The following NHSL2 variants were observed in gnomAD, a reference collection of about 807,000 sequenced individuals.
NHSL2 encodes NHS like 2.
A neutral mutation model predicts 53.4 loss-of-function variants in NHSL2; 27 were observed. The observed-to-expected ratio is 0.51, with a 90% CI of 0.37 to 0.70. NHSL2 has a LOEUF of 0.70. NHSL2 is among the 30% of genes least tolerant of loss of function. NHSL2 has a pLI of 0.00. For missense variants in NHSL2, 892 were observed against 980.1 expected (o/e 0.91, Z 1.20); for synonymous variants, 408 against 404.1 (o/e 1.01, Z -0.12).
In NHSL2 at chrX:72,078,238, A is replaced by G. The variant is rs746854956; in HGVS notation, c.281-53841A>G. ...CTAATCTGCCAATGTGAGGGGGGTA[A>G]GAGTCAGGCTGTCCTTGCTTTTAGC... is the stretch of plus-strand genomic sequence containing the variant. On this transcript the variant is annotated intron_variant, in intron 1 of 7. Transcript: ENST00000633930. Among the ~76,000 whole-genome samples, 3 of 112,210 alleles carry G rather than the reference A, an allele frequency of 2.7e-5. No individual in the cohort carries two copies. The Admixed American group carries it at 2.8e-4, about 11-fold the overall frequency.
At chrX:71,981,419 A>G (rs997695184) in intron 1 of NHSL2, among the ~76,000 whole-genome samples, 2 of 109,112 alleles carry the variant, frequency 1.8e-5, no homozygotes, top group Non-Finnish European at 1.9e-5. Context: ...GTTGGCACAC[A>G]CCTGTAGTCC....
intron 1 of NHSL2, among the ~76,000 whole-genome samples, chrX:72,095,166 A>G (rs776947210): frequency 1.8e-5 from 2 of 112,490 alleles, no homozygotes; most frequent in African/African-American, 6.5e-5. Flanking sequence ...ATCCATCAGC[A>G]AGCAGGACCT....
At chrX:72,079,757 A>C (rs956112932) in intron 1 of NHSL2, 17 of 112,966 alleles carry the variant, frequency 1.5e-4, no homozygotes, top group Admixed American at 2.8e-4. Context: ...GCTGACTCAG[A>C]CAGCCAGTTC....
chrX:72,036,838 C>A (rs2042243909), intron 1 of NHSL2, among the ~76,000 whole-genome samples: 2 of 111,470 alleles, frequency 1.8e-5, no homozygotes, highest in African/African-American at 6.5e-5. Context: ...CCAGTGTGTT[C>A]TTTTTGATAT....
At chrX:72,097,872 G>A (rs1479114393) in intron 1 of NHSL2, among the ~76,000 whole-genome samples, 1 of 111,638 alleles carries the variant, frequency 9.0e-6, no homozygotes, top group Non-Finnish European at 1.9e-5. Context: ...CCCAAACATG[G>A]ACCAAACCTT....
rs780217556 is a variant in NHSL2, at chrX:72,142,254, C to T, written c.3246C>T (p.Thr1082=). The T allele has an allele frequency of 1.5e-5, 17 of 1,159,830 alleles. 1 individual carries two copies. In the East Asian group the frequency reaches 3.3e-4, roughly 22 times the overall value. ...TAGGGAGTTCTGTGGAACCAGGCAC[C>T]GAAGAAAAAAGTTTAATCAGTGATA... ...SPLGSSVEPG[T]EEKSLISDKT... is the part of the protein sequence containing the mutation. Residue 1082 remains threonine (T), a synonymous_variant, in exon 7 of 8, where the codon ACC becomes ACT. Coordinates refer to ENST00000633930, the MANE Select transcript of NHSL2 (RefSeq NM_001013627.3).
chrX:72,016,016 G>A (rs1199383575), intron 1 of NHSL2, among the ~76,000 whole-genome samples: 1 of 110,238 alleles, frequency 9.1e-6, no homozygotes, highest in African/African-American at 3.3e-5. Context: ...ACTCCCTCCT[G>A]GCTTTTGGGT....
At chrX:72,056,092 C>T (rs1463609668) in intron 1 of NHSL2, among the ~76,000 whole-genome samples, 1 of 111,914 alleles carries the variant, frequency 8.9e-6, no homozygotes, top group Non-Finnish European at 1.9e-5. Flanking sequence ...TAGATTTGGC[C>T]ACCATTAACC....
At chrX:71,982,760 A>C (rs1176561876) in intron 1 of NHSL2, among the ~76,000 whole-genome samples, 1 of 112,036 alleles carries the variant, frequency 8.9e-6, no homozygotes, top group Non-Finnish European at 1.9e-5. Flanking sequence ...CTTCCCACAT[A>C]CCTTCCTTGC....
rs2041869746 is a variant in NHSL2 at position 71,962,001 on chromosome X, C to T, written c.280+50634C>T. Among the ~76,000 whole-genome samples, 5 of 112,229 alleles carry T rather than the reference C, an allele frequency of 4.5e-5. No individual in the cohort carries two copies. The Admixed American group carries it at 4.7e-4, about 11-fold the overall frequency. ...CTGTTTTGAAAATTCCCTTGTTTTC[C>T]TCATTTGCTGAGTGTTTTATTATGA... is the stretch of plus-strand genomic sequence containing the variant. On this transcript the variant is annotated intron_variant, in intron 1 of 7. Transcript: ENST00000633930.
intron 1 of NHSL2, among the ~76,000 whole-genome samples, chrX:72,030,060 G>A (rs1253368646): frequency 8.9e-6 from 1 of 112,415 alleles, no homozygotes. Flanking sequence ...GCCCAAGTAT[G>A]GGAAAATATC....
chrX:71,943,765 G>A (rs775847162), intron 1 of NHSL2, among the ~76,000 whole-genome samples: 3 of 112,293 alleles, frequency 2.7e-5, no homozygotes, highest in Admixed American at 9.4e-5. Flanking sequence ...GTATACTTTG[G>A]CCTGAAAGTA....
rs2042491541 is a variant in NHSL2 at position 72,149,248 on chromosome X, G to A, written c.*5674G>A. On this transcript the variant is annotated 3_prime_UTR_variant, in exon 8 of 8. Coordinates refer to ENST00000633930, the MANE Select transcript of NHSL2 (RefSeq NM_001013627.3). Reference sequence around the variant, plus strand: ...TTTTAACTCACAAATGGAAAAAAGGGAAAGGTGTTAAGTTTGTTTGGTATT... The same window carrying A: ...TTTTAACTCACAAATGGAAAAAAGGAAAAGGTGTTAAGTTTGTTTGGTATT... The A allele has an allele frequency of 9.0e-6, 1 of 110,843 alleles. No individual in the cohort carries two copies. The highest frequency in any genetic ancestry group is 3.3e-5 in the African/African-American group (1 of 30,459). 9.1% of individuals were successfully genotyped at this position (110,843 alleles called of 1,213,427 possible).
intron 1 of NHSL2, among the ~76,000 whole-genome samples, chrX:72,033,917 A>C (rs2042228437): frequency 8.9e-6 from 1 of 112,315 alleles, no homozygotes; most frequent in South Asian, 3.7e-4. Flanking sequence ...TAGAGCTTCC[A>C]GTATTATGTT....
chrX:72,118,661 A>G (rs1195415417), intron 1 of NHSL2, among the ~76,000 whole-genome samples: 2 of 111,904 alleles, frequency 1.8e-5, no homozygotes, highest in Non-Finnish European at 1.9e-5. Context: ...CCTGGCCTCG[A>G]GTGATCCTCC....
At chrX:71,940,036 G>C (rs1043838507) in intron 1 of NHSL2, among the ~76,000 whole-genome samples, 2 of 111,946 alleles carry the variant, frequency 1.8e-5, no homozygotes, top group African/African-American at 6.5e-5. Flanking sequence ...AGAATTTGTA[G>C]AGTGGGAAGA....
chrX:72,029,775 C>T (rs1267677856), intron 1 of NHSL2, among the ~76,000 whole-genome samples: 1 of 112,430 alleles, frequency 8.9e-6, no homozygotes, highest in African/African-American at 3.2e-5. Flanking sequence ...ATGTCAGGGG[C>T]TTATGTCAGG....
chrX:71,951,560 A>G (rs2041821197), intron 1 of NHSL2, among the ~76,000 whole-genome samples: 6 of 111,828 alleles, frequency 5.4e-5, no homozygotes, highest in Admixed American at 1.9e-4. Flanking sequence ...TGTCCAGCCT[A>G]TTGGGTGCAA....
At chrX:71,977,796 G>T (rs1276907295) in intron 1 of NHSL2, among the ~76,000 whole-genome samples, 1 of 111,972 alleles carries the variant, frequency 8.9e-6, no homozygotes, top group Admixed American at 9.4e-5. Flanking sequence ...ACTTTCCAAA[G>T]TGCTCCAGAC....
Sources: allele counts gnomAD v4.1 joint callset (sites outside exome capture counted in the v4.1 genomes callset), GRCh38; gene constraint gnomAD v4.1.1; transcripts MANE v1.5; gene names NCBI Gene and HGNC (gene_info 2026-07-23, HGNC 2026-07-21).